Variants in CAMK2D observed in about 807,000 individuals in gnomAD.
The protein encoded by CAMK2D is calcium/calmodulin dependent protein kinase II delta.
CAMK2D carries 37 observed loss-of-function variants against 84.0 expected under a neutral mutation model. The observed-to-expected ratio is 0.44, with a 90% CI of 0.34 to 0.58. The LOEUF (loss-of-function observed/expected upper bound fraction) is 0.58. CAMK2D is among the 20% of genes least tolerant of loss of function. CAMK2D has a pLI of 0.02. For missense variants in CAMK2D, 448 were observed against 652.5 expected (o/e 0.69, Z 3.41); for synonymous variants, 202 against 212.5 (o/e 0.95, Z 0.43).
At position 113,454,081 on chromosome 4, in the gene CAMK2D, T is replaced by C. The variant is rs1411161222; in HGVS notation, c.*464A>G. 1.6e-5 allele frequency: 2 copies of C among 123,390 alleles called. No individual in the cohort carries two copies. Among genetic ancestry groups the C allele is most frequent in the Non-Finnish European group, 3.2e-5 (2 of 62,156 alleles). 7.6% of individuals were successfully genotyped at this position (123,390 alleles called of 1,614,324 possible). On this transcript the variant is annotated 3_prime_UTR_variant, in exon 21 of 21. Coordinates refer to ENST00000511664, the MANE Select transcript of CAMK2D (RefSeq NM_001321571.2). ...GGAAACTGAAGGTGTATTTTTTTTTTACCTTAAAAAAAAAAAAAAAAACCA... is the reference window on the plus strand; with the variant it reads ...GGAAACTGAAGGTGTATTTTTTTTTCACCTTAAAAAAAAAAAAAAAAACCA...
chr4:113,741,578 G>A (rs2099593056), intron 2 of CAMK2D, among the ~76,000 whole-genome samples: 1 of 152,016 alleles, frequency 6.6e-6, no homozygotes, highest in African/African-American at 2.4e-5. Flanking sequence ...CAGAGACAAG[G>A]GGAGACTACT....
At chr4:113,653,188 T>A (rs1204062532) in intron 3 of CAMK2D, among the ~76,000 whole-genome samples, 1 of 152,062 alleles carries the variant, frequency 6.6e-6, no homozygotes, top group East Asian at 1.9e-4. Flanking sequence ...GAAAAAAAGC[T>A]AAAACAGATA....
At chr4:113,696,731 C>T (rs959836841) in intron 2 of CAMK2D, among the ~76,000 whole-genome samples, 3 of 152,134 alleles carry the variant, frequency 2.0e-5, no homozygotes, top group Non-Finnish European at 4.4e-5. Flanking sequence ...TAATAGATTA[C>T]TCAATCCTCA....
At chr4:113,484,129 C>T (rs532436713) in intron 16 of CAMK2D, among the ~76,000 whole-genome samples, 1 of 152,252 alleles carries the variant, frequency 6.6e-6, no homozygotes, top group Non-Finnish European at 1.5e-5. Context: ...TCCCTATATA[C>T]CCATTCTATC....
intron 9 of CAMK2D, among the ~76,000 whole-genome samples, chr4:113,515,635 T>C (rs1052517082): frequency 1.3e-5 from 2 of 152,172 alleles, no homozygotes; most frequent in Non-Finnish European, 2.9e-5. Context: ...AAATGAGGTA[T>C]TATATACTTT....
At chr4:113,605,924 T>C (rs1485582502) in intron 4 of CAMK2D, among the ~76,000 whole-genome samples, 1 of 152,060 alleles carries the variant, frequency 6.6e-6, no homozygotes, top group African/African-American at 2.4e-5. Flanking sequence ...AATCCAAAAA[T>C]CACTCATCAT....
chr4:113,491,717 T>C (rs1435732803), intron 16 of CAMK2D, among the ~76,000 whole-genome samples: 2 of 152,222 alleles, frequency 1.3e-5, no homozygotes, highest in African/African-American at 2.4e-5. Context: ...GAAGGAATGG[T>C]ACCAGTTCCT....
At chr4:113,742,427 A>C (rs1268838969) in intron 2 of CAMK2D, among the ~76,000 whole-genome samples, 1 of 152,182 alleles carries the variant, frequency 6.6e-6, no homozygotes, top group East Asian at 1.9e-4. Context: ...ATGAATAATT[A>C]GATTTTAAAC....
chr4:113,498,861 T>C (rs1010721409), intron 16 of CAMK2D, among the ~76,000 whole-genome samples: 8 of 152,178 alleles, frequency 5.3e-5, no homozygotes, highest in Admixed American at 3.9e-4. Context: ...CTTAGTACAG[T>C]TGAGTGCCAA....
chr4:113,654,529 T>C (rs2099190169), intron 3 of CAMK2D, among the ~76,000 whole-genome samples: 2 of 152,048 alleles, frequency 1.3e-5, no homozygotes, highest in Admixed American at 1.3e-4. Context: ...TTGAAAGTTT[T>C]TTAGTTAATG....
intron 3 of CAMK2D, among the ~76,000 whole-genome samples, chr4:113,611,553 T>C (rs2099000448): frequency 6.6e-6 from 1 of 152,174 alleles, no homozygotes. Context: ...GGTGTCCAGA[T>C]CGAAGAGGTA....
intron 2 of CAMK2D, among the ~76,000 whole-genome samples, chr4:113,690,121 C>T (rs1402322589): frequency 6.6e-6 from 1 of 151,970 alleles, no homozygotes; most frequent in African/African-American, 2.4e-5. Flanking sequence ...GTAGCTCAAA[C>T]AAAGAAAAGA....
At chr4:113,634,328 G>A (rs1192869993) in intron 3 of CAMK2D, among the ~76,000 whole-genome samples, 2 of 152,272 alleles carry the variant, frequency 1.3e-5, no homozygotes, top group Admixed American at 6.5e-5. Context: ...AAAAGGTATC[G>A]ACTTTATGGA....
chr4:113,575,824 T>G (rs1393647839), intron 4 of CAMK2D, among the ~76,000 whole-genome samples: 2 of 152,174 alleles, frequency 1.3e-5, no homozygotes, highest in African/African-American at 4.8e-5. Context: ...TGAGAGTCTT[T>G]GTGGAATAAA....
At chr4:113,680,012 C>T (rs2154334103) in intron 2 of CAMK2D, among the ~76,000 whole-genome samples, 1 of 152,232 alleles carries the variant, frequency 6.6e-6, no homozygotes, top group Admixed American at 6.5e-5. Context: ...ATAAAGAAGT[C>T]TAGTAATTTG....
intron 6 of CAMK2D, among the ~76,000 whole-genome samples, chr4:113,547,201 G>A (rs565321189): frequency 6.6e-6 from 1 of 152,190 alleles, no homozygotes; most frequent in African/African-American, 2.4e-5. Flanking sequence ...GCACATAATC[G>A]TTTAGGCTAA....
intron 2 of CAMK2D, among the ~76,000 whole-genome samples, chr4:113,707,718 TA>T (rs1447335535): frequency 1.3e-5 from 2 of 152,170 alleles, no homozygotes; most frequent in African/African-American, 4.8e-5. Context: ...CTCCAAATGA[TA>T]GGGGGCAATA....
chr4:113,508,692 T>C (rs1296053084), intron 13 of CAMK2D, among the ~76,000 whole-genome samples: 1 of 152,238 alleles, frequency 6.6e-6, no homozygotes, highest in Non-Finnish European at 1.5e-5. Context: ...CAGTCATCAG[T>C]GCTCCAGAAA....
intron 16 of CAMK2D, among the ~76,000 whole-genome samples, chr4:113,491,728 C>T (rs2097846535): frequency 6.6e-6 from 1 of 152,140 alleles, no homozygotes; most frequent in African/African-American, 2.4e-5. Context: ...ACCAGTTCCT[C>T]CTCGTACCTC....
Sources: allele counts gnomAD v4.1 joint callset (sites outside exome capture counted in the v4.1 genomes callset), GRCh38; gene constraint gnomAD v4.1.1; transcripts MANE v1.5; gene names NCBI Gene and HGNC (gene_info 2026-07-23, HGNC 2026-07-21).